Variants in KLB observed in about 807,000 individuals in gnomAD.
KLB encodes klotho beta, also known as beta-klotho.
A neutral mutation model predicts 88.4 loss-of-function variants in KLB; 44 were observed. That is an observed-to-expected ratio of 0.50 (90% CI 0.39 to 0.64). The LOEUF is 0.64. KLB is among the 30% of genes least tolerant of loss of function. The pLI is 0.00. For synonymous variants in KLB, 548 were observed against 513.4 expected (o/e 1.07, Z -0.91); for missense variants, 1,137 against 1,304.8 (o/e 0.87, Z 1.98).
At position 39,451,262 on chromosome 4, in the gene KLB, TAA is replaced by T. The variant is rs1205572747; in HGVS notation, c.*2578_*2579del. The T allele has an allele frequency of 6.6e-6, 1 of 152,262 alleles. No individual in the cohort carries two copies. Among genetic ancestry groups the T allele is most frequent in the Admixed American group, 6.5e-5 (1 of 15,290 alleles). The allele number at this position is 152,262 out of a possible 1,614,324, so 9.4% of individuals were successfully genotyped here. On this transcript the variant is annotated 3_prime_UTR_variant, in exon 5 of 5. Transcript: ENST00000257408. ...TCATACTAAATATTCAGGTTTATCA[TAA>T]ACTCCTTAAAAACCATCAAAGGTCA...
In KLB at chr4:39,446,511, C is replaced by G. The variant is rs1376107701; in HGVS notation, c.1785C>G (p.Thr595=). The change falls in exon 4 of 5, where the codon ACC becomes ACG. Residue 595 remains threonine, a synonymous_variant. Transcript: ENST00000257408. The surrounding 1 kb of genome is among the most constrained non-coding windows in gnomAD (Gnocchi z 6.4). Reference sequence around the variant, plus strand: ...AGATGTTGGCAAGAATGAAAGTCACCCACTACCGGTTTGCTCTGGATTGGG... The same window carrying G: ...AGATGTTGGCAAGAATGAAAGTCACGCACTACCGGTTTGCTCTGGATTGGG... ...QLEMLARMKV[T]HYRFALDWAS... is the part of the protein sequence containing the mutation. The G allele has an allele frequency of 8.1e-6, 13 of 1,614,222 alleles. No individual in the cohort carries two copies. In the Admixed American group the frequency reaches 1.5e-4, roughly 19 times the overall value.
At position 39,446,919 on chromosome 4, in the gene KLB, GC is replaced by G; in HGVS notation, c.2196del (p.Ser733HisfsTer54). ...AWRLYDRQFR[P>X]SQRGAVSLSL... is the part of the protein sequence containing the mutation. ...GGCGCCTCTACGACCGGCAGTTCAG[GC>G]CCTCACAGCGCGGGGCCGTGTCGCT... On this transcript the variant is annotated frameshift_variant, in exon 4 of 5. Transcript: ENST00000257408. LOFTEE classifies it high-confidence loss of function. The surrounding 1 kb of genome is among the most constrained non-coding windows in gnomAD (Gnocchi z 6.4). 6.2e-7 allele frequency: 1 copy of G among 1,605,308 alleles called. No individual in the cohort carries two copies. Among genetic ancestry groups the G allele is most frequent in the Non-Finnish European group, 8.5e-7 (1 of 1,178,962 alleles).
In KLB at chr4:39,449,530, CAG is replaced by C. The variant is rs1743842341; in HGVS notation, c.*846_*847del. ...GTGCTTGTCTAAGCCAGTTACAACA[CAG>C]ACTCTTAAAGAGGATCAAGCCCTTC... On this transcript the variant is annotated 3_prime_UTR_variant, in exon 5 of 5. Coordinates refer to ENST00000257408, the MANE Select transcript of KLB (RefSeq NM_175737.4). 2 of 145,582 alleles carry C rather than the reference CAG, an allele frequency of 1.4e-5. No homozygotes were observed. Among genetic ancestry groups the C allele is most frequent in the East Asian group, 1.9e-4 (1 of 5,154 alleles). The allele number at this position is 145,582 out of a possible 1,614,324, so 9.0% of individuals were successfully genotyped here.
At chr4:39,425,340 T>C (rs1743181993) in intron 1 of KLB, among the ~76,000 whole-genome samples, 1 of 152,228 alleles carries the variant, frequency 6.6e-6, no homozygotes, top group South Asian at 2.1e-4. Flanking sequence ...AGGACATTTG[T>C]TTTAAAGGAA....
intron 2 of KLB, 151 bp downstream of exon 2, chr4:39,434,871 A>G: frequency 3.1e-6 from 2 of 649,572 alleles, no homozygotes; most frequent in South Asian, 2.0e-5. Context: ...CAGTGGCACC[A>G]TCTTGGCTCA....
At chr4:39,409,794 C>T (rs959589533) in intron 1 of KLB, among the ~76,000 whole-genome samples, 18 of 151,700 alleles carry the variant, frequency 1.2e-4, no homozygotes, top group East Asian at 3.9e-4. Context: ...CGTCGTGGCA[C>T]GTGCCTATAG....
At chr4:39,423,054 A>G (rs1381031725) in intron 1 of KLB, among the ~76,000 whole-genome samples, 1 of 151,794 alleles carries the variant, frequency 6.6e-6, no homozygotes, top group Non-Finnish European at 1.5e-5. Flanking sequence ...GGCGTGAGCC[A>G]CCGCTCCCGG....
Position 39,448,519 on chromosome 4 carries a change from T to C in KLB, c.2968T>C (p.Phe990Leu). Residue 990 changes from phenylalanine to leucine, a missense_variant, in exon 5 of 5, where the codon TTC becomes CTC. Physicochemically the swap from Phe to Leu is conservative, Grantham distance 22 (BLOSUM62 0). Coordinates refer to ENST00000257408, the MANE Select transcript of KLB (RefSeq NM_175737.4). ...AAATACAGAGTGCACTGTCTGCTTATTCCTTGTGCAGAAGAAACCACTGAT... is the reference window on the plus strand; with the variant it reads ...AAATACAGAGTGCACTGTCTGCTTACTCCTTGTGCAGAAGAAACCACTGAT... Reference protein sequence around the residue: ...QENTECTVCLFLVQKKPLIFL... With the variant: ...QENTECTVCLLLVQKKPLIFL... The C allele has an allele frequency of 1.2e-6, 2 of 1,614,210 alleles. No individual in the cohort carries two copies. The highest frequency in any genetic ancestry group is 2.2e-5 in the East Asian group (1 of 44,878).
At chr4:39,417,544 C>T (rs1352144032) in intron 1 of KLB, among the ~76,000 whole-genome samples, 1 of 152,088 alleles carries the variant, frequency 6.6e-6, no homozygotes, top group Non-Finnish European at 1.5e-5. Flanking sequence ...AACTCCTAAC[C>T]TCGGCCTCCC....
chr4:39,444,614 T>C (rs1743694767), intron 3 of KLB, among the ~76,000 whole-genome samples: 1 of 152,226 alleles, frequency 6.6e-6, no homozygotes, highest in South Asian at 2.1e-4. Flanking sequence ...CTTGCTGAGA[T>C]TAATGCTTTC....
chr4:39,438,960 A>G (rs1376432534), intron 3 of KLB, among the ~76,000 whole-genome samples: 1 of 151,666 alleles, frequency 6.6e-6, no homozygotes, highest in African/African-American at 2.4e-5. Context: ...CCACATGCAC[A>G]GTGATTTAAC....
At chr4:39,413,428 A>G (rs1267938901) in intron 1 of KLB, among the ~76,000 whole-genome samples, 1 of 152,166 alleles carries the variant, frequency 6.6e-6, no homozygotes, top group Non-Finnish European at 1.5e-5. Flanking sequence ...ATATTGCCAA[A>G]GCGGGGCAGA....
At chr4:39,416,691 T>G (rs1666670230) in intron 1 of KLB, among the ~76,000 whole-genome samples, 1 of 152,034 alleles carries the variant, frequency 6.6e-6, no homozygotes, top group South Asian at 2.1e-4. Context: ...GAGGCTGAGG[T>G]GAGAGAATTG....
rs1378188599 is a variant in KLB at position 39,447,332 on chromosome 4, T to C, written c.2606T>C (p.Val869Ala). Reference sequence around the variant, plus strand: ...CGCCTGGCTGTGATTCCCTGGGGGGTGCGCAAGCTGCTGCGGTGGGTCCGG... The same window carrying C: ...CGCCTGGCTGTGATTCCCTGGGGGGCGCGCAAGCTGCTGCGGTGGGTCCGG... Reference protein sequence around the residue: ...PTRLAVIPWGVRKLLRWVRRN... With the variant: ...PTRLAVIPWGARKLLRWVRRN... Residue 869 changes from valine (V) to alanine (A), a missense_variant, in exon 4 of 5, where the codon GTG (valine) becomes GCG (alanine). Coordinates refer to ENST00000257408, the MANE Select transcript of KLB (RefSeq NM_175737.4). 1 of 1,613,968 alleles carries C rather than the reference T, an allele frequency of 6.2e-7. No homozygotes were observed. Among genetic ancestry groups the C allele is most frequent in the African/African-American group, 1.3e-5 (1 of 75,004 alleles).
In KLB at chr4:39,448,908, G is replaced by A; in HGVS notation, c.*222G>A. 1 of 511,538 alleles carries A rather than the reference G, an allele frequency of 2.0e-6. No homozygotes were observed. Among genetic ancestry groups the A allele is most frequent in the Non-Finnish European group, 3.5e-6 (1 of 289,424 alleles). The allele number at this position is 511,538 out of a possible 1,614,324, so 31.7% of individuals were successfully genotyped here. On this transcript the variant is annotated 3_prime_UTR_variant, in exon 5 of 5. Transcript: ENST00000257408. ...TAAACATAAAGGCTTCATCCTGACA[G>A]TAAGCTATGAGGATTACATGCTACA...
Position 39,448,669 on chromosome 4 carries a change from AAG to A in KLB, c.3123_3124del (p.Arg1041SerfsTer3), listed in dbSNP as rs1287511675. On this transcript the variant is annotated frameshift_variant, in exon 5 of 5. Transcript: ENST00000257408. LOFTEE classifies it high-confidence loss of function. ...ACAACACATACCATTAAAGAAAGGC[AAG>A]AGAGTTGTTAGCTAAACTGATCTGT... ...NLQHIPLKKGKRVVS is the reference protein window; with the variant it reads ...NLQHIPLKKGXRVVS 2.5e-6 allele frequency: 4 copies of A among 1,609,514 alleles called. No homozygotes were observed. The highest frequency in any genetic ancestry group is 2.5e-6 in the Non-Finnish European group (3 of 1,179,530).
Position 39,451,469 on chromosome 4 carries a change from G to A in KLB, c.*2783G>A, listed in dbSNP as rs1304680030. The A allele has an allele frequency of 6.6e-6, 1 of 152,320 alleles. No homozygotes were observed. The highest frequency in any genetic ancestry group is 1.9e-4 in the East Asian group (1 of 5,184). The allele number at this position is 152,320 out of a possible 1,614,324, so 9.4% of individuals were successfully genotyped here. On this transcript the variant is annotated 3_prime_UTR_variant, in exon 5 of 5. Coordinates refer to ENST00000257408, the MANE Select transcript of KLB (RefSeq NM_175737.4). Reference sequence around the variant, plus strand: ...TGAGGCCAGTACAGTGTGACTACATGTTTAATTTTCAATGTAATTTATTCC... The same window carrying A: ...TGAGGCCAGTACAGTGTGACTACATATTTAATTTTCAATGTAATTTATTCC...
At chr4:39,448,207 CATA>C (rs1743804957) in intron 4 of KLB, 91 bp from the exon 5 acceptor site, 1 of 890,186 alleles carries the variant, frequency 1.1e-6, no homozygotes, top group Admixed American at 2.9e-5. Flanking sequence ...TTATTATGGG[CATA>C]ATTTTAGCTT....
At chr4:39,409,900 G>C (rs955733711) in intron 1 of KLB, among the ~76,000 whole-genome samples, 1 of 151,972 alleles carries the variant, frequency 6.6e-6, no homozygotes, top group African/African-American at 2.4e-5. Context: ...CTCCAGCCTG[G>C]GCGAGAGTGA....
Sources: gnomAD v4.1 joint callset for allele counts (sites outside exome capture counted in the v4.1 genomes callset) on GRCh38, gnomAD v4.1.1 for gene constraint, Gnocchi (gnomAD v3.1) non-coding constraint, MANE v1.5 for transcripts, NCBI Gene and HGNC (gene_info 2026-07-23, HGNC 2026-07-21) for gene names.